Variants in ARID4B observed in about 807,000 individuals in gnomAD.
ARID4B encodes AT-rich interaction domain 4B.
A neutral mutation model predicts 147.5 loss-of-function variants in ARID4B; 26 were observed. That is an observed-to-expected ratio of 0.18 (90% CI 0.13 to 0.24). ARID4B has a LOEUF of 0.24. Among genes scored for constraint, ARID4B ranks in the 10% least tolerant of loss-of-function variants. ARID4B has a pLI of 1.00. For synonymous variants in ARID4B, 512 were observed against 507.9 expected, an observed-to-expected ratio of 1.01 and a Z score of -0.11; for missense variants, 1,179 against 1,511.5, an observed-to-expected ratio of 0.78 and a Z score of 3.65.
intron 2 of ARID4B, among the ~76,000 whole-genome samples, chr1:235,288,401 A>G (rs1329009590): frequency 2.0e-5 from 3 of 152,152 alleles, no homozygotes; most frequent in Non-Finnish European, 4.4e-5. Flanking sequence ...GGTTTTTTCC[A>G]GACCTTCACT....
Position 235,193,760 on chromosome 1 carries a change from G to C in ARID4B, c.2125+253C>G, listed in dbSNP as rs137893647. Among the ~76,000 whole-genome samples, 426 of 152,156 alleles carry C rather than the reference G, an allele frequency of 2.8e-3. 6 individuals carry two copies. Among genetic ancestry groups the C allele is most frequent in the Admixed American group, 0.026 (391 of 15,282 alleles). On this transcript the variant is annotated intron_variant, in intron 19 of 23. Transcript: ENST00000264183. Reference sequence around the variant, plus strand: ...TGATTCTGAAAGGTAACGCTCACTGGAGCATTTCAGATTTAGAATTTTCGG... The same window carrying C: ...TGATTCTGAAAGGTAACGCTCACTGCAGCATTTCAGATTTAGAATTTTCGG...
intron 2 of ARID4B, among the ~76,000 whole-genome samples, chr1:235,262,751 G>A (rs1297665120): frequency 6.6e-6 from 1 of 152,026 alleles, no homozygotes; most frequent in East Asian, 1.9e-4. Flanking sequence ...AGGACTGCTT[G>A]AGCTCAGGAG....
intron 2 of ARID4B, among the ~76,000 whole-genome samples, chr1:235,308,926 C>G (rs559244849): frequency 1.3e-5 from 2 of 152,162 alleles, no homozygotes; most frequent in Non-Finnish European, 2.9e-5. Flanking sequence ...GCGTCTCTGC[C>G]TGGCCGCCCA....
At chr1:235,207,536 T>C (rs1666387345) in intron 17 of ARID4B, among the ~76,000 whole-genome samples, 1 of 152,156 alleles carries the variant, frequency 6.6e-6, no homozygotes, top group Non-Finnish European at 1.5e-5. Flanking sequence ...ATGTAAGCAA[T>C]ATCAAGGGAA....
intron 2 of ARID4B, among the ~76,000 whole-genome samples, chr1:235,309,880 C>A (rs1051512061): frequency 2.0e-5 from 3 of 152,322 alleles, no homozygotes; most frequent in Non-Finnish European, 2.9e-5. Context: ...TTACTTACCC[C>A]CAACCCTGTG....
At chr1:235,215,051 G>C (rs189319455) in intron 16 of ARID4B, among the ~76,000 whole-genome samples, 12 of 151,722 alleles carry the variant, frequency 7.9e-5, no homozygotes, top group Admixed American at 5.9e-4. Flanking sequence ...CACCATGTTG[G>C]TCAGGCTGGT....
At chr1:235,271,588 C>A (rs1268936394) in intron 2 of ARID4B, among the ~76,000 whole-genome samples, 2 of 150,894 alleles carry the variant, frequency 1.3e-5, no homozygotes, top group African/African-American at 2.4e-5. Flanking sequence ...CGAGTTTGCA[C>A]CACTGCACTC....
At chr1:235,279,718 G>A (rs1671545357) in intron 2 of ARID4B, among the ~76,000 whole-genome samples, 1 of 152,234 alleles carries the variant, frequency 6.6e-6, no homozygotes, top group Non-Finnish European at 1.5e-5. Flanking sequence ...CAACTGGTAA[G>A]AGTGGGTGGT....
chr1:235,327,356 G>C, intron 1 of ARID4B: 1 of 152,990 alleles, frequency 6.5e-6, no homozygotes, highest in Non-Finnish European at 1.5e-5. Context: ...CGAGAGGCCG[G>C]CCGGGGGCCA....
In ARID4B at chr1:235,234,450, C is replaced by A. The variant is rs199685685; in HGVS notation, c.628G>T (p.Asp210Tyr). 2 of 1,607,486 alleles carry A rather than the reference C, an allele frequency of 1.2e-6. No individual in the cohort carries two copies. The highest frequency in any genetic ancestry group is 1.1e-5 in the South Asian group (1 of 90,278). The change falls in exon 9 of 24, where the codon GAC (aspartate) becomes TAC (tyrosine). Residue 210 changes from aspartate to tyrosine, a missense_variant. Transcript: ENST00000264183. Reference protein sequence around the residue: ...DCSDEIAVKKDNILVRSFKDG... With the variant: ...DCSDEIAVKKYNILVRSFKDG... ...TTGAAAGATCGAACAAGAATATTGT[C>A]CTTTTTTACAGCAATCTCATCACTA...
chr1:235,319,410 G>A (rs577233193), intron 2 of ARID4B, among the ~76,000 whole-genome samples: 2 of 152,242 alleles, frequency 1.3e-5, no homozygotes, highest in South Asian at 4.1e-4. Context: ...TACCTGGGAG[G>A]TTGAAGCAGG....
At chr1:235,205,635 G>T (rs1036925428) in intron 17 of ARID4B, among the ~76,000 whole-genome samples, 2 of 152,140 alleles carry the variant, frequency 1.3e-5, no homozygotes, top group African/African-American at 4.8e-5. Context: ...TATCTGATAA[G>T]GGAATAACAT....
chr1:235,240,585 C>G (rs192062037), intron 7 of ARID4B, 134 bp from the exon 8 acceptor site: 1 of 807,310 alleles, frequency 1.2e-6, no homozygotes, highest in Non-Finnish European at 1.9e-6. Context: ...AATCTTAAAT[C>G]ATTTTCTAAA....
chr1:235,213,988 T>G lies in ARID4B; in HGVS notation c.1622A>C (p.Glu541Ala). 3.8e-6 allele frequency: 6 copies of G among 1,586,514 alleles called. No homozygotes were observed. Among genetic ancestry groups the G allele is most frequent in the South Asian group, 1.1e-5 (1 of 90,506 alleles). The change falls in exon 17 of 24, where the codon GAA (glutamate) becomes GCA (alanine). Residue 541 changes from glutamate to alanine, a missense_variant. Around this residue, in one of 10 missense-constraint regions of ARID4B, gnomAD observed 204 missense variants for 210.9 expected, o/e 0.97. Transcript: ENST00000264183. ...TTCCTCCTCCTCCTCCTCTTCTGCT[T>G]CTTCATCATCTTCATCTTCTTCTTT... ...TNKEEDEDDE[E>A]AEEEEEEEEE...
intron 17 of ARID4B, among the ~76,000 whole-genome samples, chr1:235,199,838 TGATA>T (rs1448776322): frequency 1.3e-5 from 2 of 152,188 alleles, no homozygotes; most frequent in Non-Finnish European, 2.9e-5. Context: ...TTTAGTTGTC[TGATA>T]GATCTTACAA....
chr1:235,307,434 G>A (rs1480874287), intron 2 of ARID4B, among the ~76,000 whole-genome samples: 3 of 152,026 alleles, frequency 2.0e-5, no homozygotes, highest in African/African-American at 7.3e-5. Context: ...GACAGAGCTA[G>A]GCCCTGTCTC....
At chr1:235,226,887 T>G (rs1054687478) in intron 11 of ARID4B, among the ~76,000 whole-genome samples, 4 of 152,280 alleles carry the variant, frequency 2.6e-5, no homozygotes, top group African/African-American at 7.2e-5. Context: ...CAGACTGGTC[T>G]CAAACTCCTG....
At chr1:235,234,526 A>G (rs1668441907) in intron 8 of ARID4B, 34 bp from the exon 9 acceptor site, 8 of 1,447,356 alleles carry the variant, frequency 5.5e-6, no homozygotes, top group Non-Finnish European at 7.7e-6. Flanking sequence ...ATTATAACTA[A>G]AAGAACTCAT....
At chr1:235,262,365 T>C (rs1670346060) in intron 2 of ARID4B, among the ~76,000 whole-genome samples, 1 of 152,236 alleles carries the variant, frequency 6.6e-6, no homozygotes, top group Non-Finnish European at 1.5e-5. Flanking sequence ...ATATCAGTTA[T>C]ACAATTTTTA....
Sources: allele counts gnomAD v4.1 joint callset (sites outside exome capture counted in the v4.1 genomes callset), GRCh38; gene constraint gnomAD v4.1.1; regional missense constraint gnomAD v4.1.1; transcripts MANE v1.5; gene names NCBI Gene and HGNC (gene_info 2026-07-23, HGNC 2026-07-21).